ARSB: variants seen among roughly 807,000 people sequenced by gnomAD.
ARSB encodes N-acetylgalactosamine-4-sulfatase.
ARSB carries 41 observed loss-of-function variants against 50.9 expected under a neutral mutation model. The observed-to-expected ratio is 0.81, with a 90% CI of 0.63 to 1.04. ARSB has a LOEUF of 1.04. ARSB is among the 50% of genes least tolerant of loss of function. ARSB has a pLI of 0.00. For missense variants in ARSB, 672 were observed against 693.3 expected, an observed-to-expected ratio of 0.97 and a Z score of 0.35; for synonymous variants, 269 against 284.8, an observed-to-expected ratio of 0.94 and a Z score of 0.56.
At chr5:78,907,122 A>C (rs544027625) in intron 4 of ARSB, among the ~76,000 whole-genome samples, 1 of 152,258 alleles carries the variant, frequency 6.6e-6, no homozygotes, top group South Asian at 2.1e-4. Context: ...AACAAGGTAA[A>C]AACTGGGGAA....
At chr5:78,935,488 T>C (rs182263939) in intron 4 of ARSB, among the ~76,000 whole-genome samples, 74 of 152,268 alleles carry the variant, frequency 4.9e-4, no homozygotes, top group African/African-American at 1.6e-3. Flanking sequence ...GCAGAGAGCT[T>C]GGCCCGTGGC....
intron 3 of ARSB, among the ~76,000 whole-genome samples, chr5:78,963,111 C>T (rs531870710): frequency 7.9e-5 from 12 of 152,272 alleles, no homozygotes; most frequent in African/African-American, 2.6e-4. Flanking sequence ...GCCATCTTTG[C>T]AGTTATAAGT....
intron 4 of ARSB, among the ~76,000 whole-genome samples, chr5:78,896,676 T>C (rs1748577508): frequency 6.6e-6 from 1 of 152,204 alleles, no homozygotes; most frequent in Non-Finnish European, 1.5e-5. Context: ...TATGGACTCA[T>C]TCCAAGACTT....
At chr5:78,984,043 G>A (rs1298907404) in intron 1 of ARSB, among the ~76,000 whole-genome samples, 1 of 152,140 alleles carries the variant, frequency 6.6e-6, no homozygotes, top group African/African-American at 2.4e-5. Context: ...GGGAAAAAAG[G>A]CCAATTTCAT....
At chr5:78,843,164 A>T (rs965589948) in intron 5 of ARSB, among the ~76,000 whole-genome samples, 1 of 152,150 alleles carries the variant, frequency 6.6e-6, no homozygotes, top group Admixed American at 6.6e-5. Context: ...CCCAAACCTT[A>T]ATGTACATAT....
chr5:78,777,673 T>C lies in ARSB; in HGVS notation c.*2724A>G, dbSNP rs767010686. 6.6e-6 allele frequency: 1 copy of C among 152,138 alleles called. No individual in the cohort carries two copies. Among genetic ancestry groups the C allele is most frequent in the Non-Finnish European group, 1.5e-5 (1 of 68,000 alleles). 9.4% of individuals were successfully genotyped at this position (152,138 alleles called of 1,614,324 possible). ...TTTGAGACCAGCCTGGCCAACATGG[T>C]GAAACCCTATCTCTACGAAAAATAC... On this transcript the variant is annotated 3_prime_UTR_variant, in exon 8 of 8. Coordinates refer to ENST00000264914, the MANE Select transcript of ARSB (RefSeq NM_000046.5).
rs561170333 is a variant in ARSB at position 78,951,322 on chromosome 5, A to AATACT, written c.898+3968_898+3972dup. On this transcript the variant is annotated intron_variant, in intron 4 of 7. Coordinates refer to ENST00000264914, the MANE Select transcript of ARSB (RefSeq NM_000046.5). ...GTTACATTGAGGTTTAATGCTACTAAATACTATACTATACTATACTAACAA... is the reference window on the plus strand; with the variant it reads ...GTTACATTGAGGTTTAATGCTACTAAATACTATACTATACTATACTATACTAACAA... Among the ~76,000 whole-genome samples the AATACT allele has an allele frequency of 4.1e-4, 63 of 152,256 alleles. No individual in the cohort carries two copies. The South Asian group carries it at 5.6e-3, about 14-fold the overall frequency.
chr5:78,858,149 T>C (rs1746247309), intron 5 of ARSB, among the ~76,000 whole-genome samples: 1 of 152,172 alleles, frequency 6.6e-6, no homozygotes, highest in African/African-American at 2.4e-5. Flanking sequence ...ACACATGGCC[T>C]CAGTGTCTCC....
In ARSB at chr5:78,885,800, C is replaced by T. The variant is rs1748003328; in HGVS notation, c.926G>A (p.Gly309Asp). The change falls in exon 5 of 8, where the codon GGT becomes GAT. Residue 309 changes from glycine to aspartate, a missense_variant. By Grantham distance (94) the Gly-to-Asp change is moderately conservative (BLOSUM62 -1). Transcript: ENST00000264914. ...TDNGGQTLAG[G>D]NNWPLRGRKW... The stretch of plus-strand genomic sequence containing the variant: ...TCTTCCTCGAAGGGGCCAGTTATTA[C>T]CCCCTGCCAAAGTCTGCCCTCCGTT... The T allele has an allele frequency of 6.2e-7, 1 of 1,614,070 alleles. No homozygotes were observed. Among genetic ancestry groups the T allele is most frequent in the Admixed American group, 1.7e-5 (1 of 60,008 alleles).
chr5:78,965,978 T>G (rs1752189394), intron 2 of ARSB, among the ~76,000 whole-genome samples: 1 of 152,148 alleles, frequency 6.6e-6, no homozygotes, highest in Non-Finnish European at 1.5e-5. Flanking sequence ...GAGAAAGAAA[T>G]GTATCCATAA....
chr5:78,821,644 T>A (rs1378405371), intron 6 of ARSB, among the ~76,000 whole-genome samples: 1 of 152,228 alleles, frequency 6.6e-6, no homozygotes, highest in African/African-American at 2.4e-5. Flanking sequence ...CTAAATTCAG[T>A]CAAGTTACAA....
chr5:78,806,017 A>G (rs1189501282), intron 6 of ARSB, among the ~76,000 whole-genome samples: 1 of 152,244 alleles, frequency 6.6e-6, no homozygotes, highest in Non-Finnish European at 1.5e-5. Context: ...GTAAAATGAG[A>G]CTAATACTAC....
intron 4 of ARSB, among the ~76,000 whole-genome samples, chr5:78,892,776 T>C (rs979641122): frequency 6.6e-6 from 1 of 152,210 alleles, no homozygotes; most frequent in Non-Finnish European, 1.5e-5. Context: ...CATTTGATTA[T>C]TCGTAGGGGT....
At chr5:78,918,784 T>A (rs1309319912) in intron 4 of ARSB, among the ~76,000 whole-genome samples, 1 of 152,170 alleles carries the variant, frequency 6.6e-6, no homozygotes, top group East Asian at 1.9e-4. Flanking sequence ...AGCAAGAACA[T>A]TTTTTTCTCA....
At chr5:78,795,535 C>T (rs1043151348) in intron 6 of ARSB, among the ~76,000 whole-genome samples, 1 of 152,180 alleles carries the variant, frequency 6.6e-6, no homozygotes, top group Non-Finnish European at 1.5e-5. Context: ...AATAGGGAGG[C>T]CTGACCACCA....
intron 5 of ARSB, among the ~76,000 whole-genome samples, chr5:78,843,152 T>C (rs188033984): frequency 1.1e-3 from 174 of 152,348 alleles, no homozygotes; most frequent in African/African-American, 4.0e-3. Flanking sequence ...TAAGCAGTGC[T>C]TCCCAAACCT....
intron 5 of ARSB, among the ~76,000 whole-genome samples, chr5:78,845,788 T>C (rs1745420182): frequency 6.6e-6 from 1 of 152,204 alleles, no homozygotes; most frequent in African/African-American, 2.4e-5. Flanking sequence ...ATTAATCCTT[T>C]GTTGAATGAA....
At chr5:78,946,623 T>C (rs559997222) in intron 4 of ARSB, among the ~76,000 whole-genome samples, 3 of 151,766 alleles carry the variant, frequency 2.0e-5, no homozygotes, top group South Asian at 2.1e-4. Context: ...ATGAAGGAAA[T>C]TGAAGCAGAC....
chr5:78,959,966 G>A (rs938539317), intron 3 of ARSB, among the ~76,000 whole-genome samples: 1 of 152,066 alleles, frequency 6.6e-6, no homozygotes, highest in Non-Finnish European at 1.5e-5. Flanking sequence ...ACCAGAGCTC[G>A]GCTCACTGTC....
Sources: gnomAD v4.1 joint callset for allele counts (sites outside exome capture counted in the v4.1 genomes callset) on GRCh38, gnomAD v4.1.1 for gene constraint, MANE v1.5 for transcripts, NCBI Gene and HGNC (gene_info 2026-07-23, HGNC 2026-07-21) for gene names.